ABI3BP: variants seen among roughly 807,000 people sequenced by gnomAD.
ABI3BP encodes ABI family member 3 binding protein, also known as target of Nesh-SH3.
A neutral mutation model predicts 268.6 loss-of-function variants in ABI3BP; 216 were observed. The observed-to-expected ratio is 0.80, with a 90% CI of 0.72 to 0.90. The LOEUF (loss-of-function observed/expected upper bound fraction) is 0.90. Among genes scored for constraint, ABI3BP ranks in the 40% least tolerant of loss-of-function variants. The pLI is 0.00. For synonymous variants in ABI3BP, 730 were observed against 730.0 expected (o/e 1.00, Z 0.00); for missense variants, 2,090 against 2,182.4 (o/e 0.96, Z 0.84).
intron 24 of ABI3BP, 124 bp from the exon 25 acceptor site, chr3:100,838,588 G>T: frequency 2.4e-6 from 2 of 832,746 alleles, no homozygotes; most frequent in Non-Finnish European, 3.8e-6. Context: ...TCTGGGGTGT[G>T]GGAAGGGTGA....
chr3:100,947,886 C>T (rs1291881611), intron 1 of ABI3BP, among the ~76,000 whole-genome samples: 4 of 152,078 alleles, frequency 2.6e-5, no homozygotes, highest in Non-Finnish European at 4.4e-5. Flanking sequence ...CTGAGGTGCC[C>T]AAACCTTCAA....
At chr3:100,893,640 A>T (rs1310506151) in intron 4 of ABI3BP, among the ~76,000 whole-genome samples, 1 of 152,092 alleles carries the variant, frequency 6.6e-6, no homozygotes, top group Non-Finnish European at 1.5e-5. Flanking sequence ...GACTGTGCAG[A>T]TGGTGCAGAA....
intron 1 of ABI3BP, among the ~76,000 whole-genome samples, chr3:100,948,005 C>A (rs1481369163): frequency 2.6e-5 from 4 of 152,014 alleles, no homozygotes; most frequent in Non-Finnish European, 2.9e-5. Flanking sequence ...AGGGCAGGAA[C>A]AGCATTCTCA....
Position 100,866,914 on chromosome 3 carries a change from G to C in ABI3BP, c.953C>G (p.Pro318Arg), listed in dbSNP as rs1258036042. ...TCGTGCTGAGATTTTTTCAACCTCT[G>C]GTGTTTTAGATTCGGCAGGTAATGC... The part of the protein sequence containing the change: ...TLALPAESKT[P>R]EVEKISARPT... Residue 318 changes from proline (P) to arginine (R), a missense_variant, in exon 10 of 68, where the codon CCA becomes CGA. Pro to Arg is a moderately radical substitution (Grantham distance 103). Coordinates refer to ENST00000471714, the MANE Select transcript of ABI3BP (RefSeq NM_001375547.2). 6.2e-7 allele frequency: 1 copy of C among 1,613,626 alleles called. No individual in the cohort carries two copies. The highest frequency in any genetic ancestry group is 1.7e-5 in the Admixed American group (1 of 59,992).
chr3:100,859,180 G>C (rs2098969898), intron 14 of ABI3BP, among the ~76,000 whole-genome samples: 2 of 152,122 alleles, frequency 1.3e-5, no homozygotes, highest in African/African-American at 4.8e-5. Flanking sequence ...TCAACTACAA[G>C]TGTGTTCTGC....
At chr3:100,938,591 C>T (rs896087031) in intron 1 of ABI3BP, among the ~76,000 whole-genome samples, 6 of 151,558 alleles carry the variant, frequency 4.0e-5, no homozygotes, top group East Asian at 2.0e-4. Context: ...TGTGTTAGTC[C>T]GTAAAATGAC....
intron 44 of ABI3BP, 61 bp downstream of exon 44, chr3:100,815,851 G>T: frequency 8.0e-7 from 1 of 1,254,174 alleles, no homozygotes; most frequent in Non-Finnish European, 1.1e-6. Context: ...TCATGACAGT[G>T]CTCAAGTGCG....
rs114624888 is a variant in ABI3BP at position 100,878,747 on chromosome 3, C to T, written c.697-2187G>A. 3.4e-3 allele frequency among the ~76,000 whole-genome samples: 520 copies of T among 152,188 alleles called. 2 individuals are homozygous for T. The highest frequency in any genetic ancestry group is 0.012 in the African/African-American group (505 of 41,548). Reference sequence around the variant, plus strand: ...ACCCTTGGCACTCTGCACTCACTCACGAGCCCACCTTAAGAGAAGCCCCAC... The same window carrying T: ...ACCCTTGGCACTCTGCACTCACTCATGAGCCCACCTTAAGAGAAGCCCCAC... On this transcript the variant is annotated intron_variant, in intron 6 of 67. Coordinates refer to ENST00000471714, the MANE Select transcript of ABI3BP (RefSeq NM_001375547.2).
chr3:100,790,683 C>A (rs2097174966), intron 55 of ABI3BP, among the ~76,000 whole-genome samples: 1 of 151,922 alleles, frequency 6.6e-6, no homozygotes, highest in African/African-American at 2.4e-5. Context: ...TTCTCACAGA[C>A]CCTAAAGTGC....
At chr3:100,802,544 T>C (rs1371433694) in intron 51 of ABI3BP, among the ~76,000 whole-genome samples, 3 of 152,166 alleles carry the variant, frequency 2.0e-5, no homozygotes, top group African/African-American at 7.2e-5. Flanking sequence ...CCTCATTAAA[T>C]GTAATAGATA....
chr3:100,951,046 A>G (rs2074760267), intron 1 of ABI3BP, among the ~76,000 whole-genome samples: 1 of 151,964 alleles, frequency 6.6e-6, no homozygotes, highest in South Asian at 2.1e-4. Context: ...GTAACAAAAT[A>G]TCTATTATTT....
At chr3:100,875,142 C>T (rs1462779189) in intron 8 of ABI3BP, among the ~76,000 whole-genome samples, 1 of 152,206 alleles carries the variant, frequency 6.6e-6, no homozygotes, top group African/African-American at 2.4e-5. Context: ...CTAAAATCCT[C>T]TGGCTTTTAA....
chr3:100,806,354 T>G (rs1404142343), intron 50 of ABI3BP, among the ~76,000 whole-genome samples: 1 of 152,040 alleles, frequency 6.6e-6, no homozygotes, highest in Non-Finnish European at 1.5e-5. Context: ...CCAAATGACT[T>G]TTTGAAATTT....
At chr3:100,857,655 A>G (rs58707146) in intron 14 of ABI3BP, among the ~76,000 whole-genome samples, 7,006 of 152,288 alleles carry the variant, frequency 0.046, 559 homozygotes, top group African/African-American at 0.16. Flanking sequence ...TTTCAGAGCA[A>G]GCTATATGTC....
chr3:100,818,800 G>A (rs2098126748), intron 40 of ABI3BP, among the ~76,000 whole-genome samples: 1 of 152,186 alleles, frequency 6.6e-6, no homozygotes, highest in African/African-American at 2.4e-5. Flanking sequence ...TAAAGCCCAT[G>A]TAATATTCTC....
intron 66 of ABI3BP, among the ~76,000 whole-genome samples, chr3:100,751,908 G>T (rs781750508): frequency 1.9e-4 from 29 of 152,134 alleles, no homozygotes; most frequent in Non-Finnish European, 2.9e-4. Context: ...TTCCCCAGCA[G>T]TCTCCCATTA....
rs1482295948 is a variant in ABI3BP, at chr3:100,862,865, G to A, written c.1183C>T (p.Pro395Ser). The A allele has an allele frequency of 3.9e-6, 6 of 1,535,608 alleles. No individual in the cohort carries two copies. Among genetic ancestry groups the A allele is most frequent in the South Asian group, 3.6e-5 (3 of 84,044 alleles). The change falls in exon 13 of 68, where the codon CCT becomes TCT. Residue 395 changes from proline to serine, a missense_variant. Pro to Ser is a moderately conservative substitution (Grantham distance 74, BLOSUM62 -1). Transcript: ENST00000471714. ...AATGTGCCCCTAGGTTTCTCAAAAG[G>A]GAAGGGTGTTTTTGCCTCAGGAAAT... ...PEFPEAKTPFPFEKPRGTLAS... is the reference protein window; with the variant it reads ...PEFPEAKTPFSFEKPRGTLAS...
chr3:100,906,231 C>T (rs1399001591), intron 2 of ABI3BP, among the ~76,000 whole-genome samples: 1 of 152,128 alleles, frequency 6.6e-6, no homozygotes, highest in Non-Finnish European at 1.5e-5. Context: ...AAGATAGTAC[C>T]ATGATCCAAG....
rs771883411 is a variant in ABI3BP, at chr3:100,875,574, G to A, written c.751C>T (p.Gln251Ter). ...GCTGAATCCTTGTGAGTAACATTCT[G>A]AATCACTGTTGAAATACAAAAAGAC... ...IPITIIKQVIQNVTHKDSAKS... is the reference protein window; with the variant it reads ...IPITIIKQVI Residue 251 changes from glutamine (Q) to a stop codon, truncating the protein, a stop_gained, in exon 8 of 68, where the codon CAG (glutamine) becomes TAG (stop). Coordinates refer to ENST00000471714, the MANE Select transcript of ABI3BP (RefSeq NM_001375547.2). LOFTEE classifies it high-confidence loss of function. 1 of 1,612,026 alleles carries A rather than the reference G, an allele frequency of 6.2e-7. No individual in the cohort carries two copies. Among genetic ancestry groups the A allele is most frequent in the Non-Finnish European group, 8.5e-7 (1 of 1,178,166 alleles).
Sources: allele counts gnomAD v4.1 joint callset (sites outside exome capture counted in the v4.1 genomes callset), GRCh38; gene constraint gnomAD v4.1.1; transcripts MANE v1.5; gene names NCBI Gene and HGNC (gene_info 2026-07-23, HGNC 2026-07-21).